Variants in SH3RF3 observed in about 807,000 individuals in gnomAD.
SH3RF3 encodes the protein E3 ubiquitin-protein ligase SH3RF3.
A neutral mutation model predicts 66.3 loss-of-function variants in SH3RF3; 29 were observed. The ratio of observed to expected loss-of-function variants is 0.44; its 90% CI spans 0.33 to 0.60. The LOEUF (loss-of-function observed/expected upper bound fraction) is 0.60. Ranked by LOEUF, SH3RF3 falls within the 20% of genes least tolerant of loss-of-function variation. SH3RF3 has a pLI of 0.04. For synonymous variants in SH3RF3, 583 were observed against 532.0 expected (o/e 1.10, Z -1.32); for missense variants, 1,194 against 1,190.9 (o/e 1.00, Z -0.04).
rs183061382 is a variant in SH3RF3 at position 109,452,787 on chromosome 2, C to A, written c.2148+3298C>A. 1.6e-4 allele frequency among the ~76,000 whole-genome samples: 24 copies of A among 149,004 alleles called. No individual in the cohort carries two copies. The East Asian group carries it at 4.2e-3, about 26-fold the overall frequency. On this transcript the variant is annotated intron_variant, in intron 8 of 9. Transcript: ENST00000309415. Reference sequence around the variant, plus strand: ...GGCAGGCTGGTCCCAGGAGGCTGGTCCCTGGGAGGCTGGTGCTGGGAGGCT... The same window carrying A: ...GGCAGGCTGGTCCCAGGAGGCTGGTACCTGGGAGGCTGGTGCTGGGAGGCT...
At chr2:109,303,617 C>T (rs890032057) in intron 1 of SH3RF3, among the ~76,000 whole-genome samples, 8 of 152,212 alleles carry the variant, frequency 5.3e-5, no homozygotes, top group African/African-American at 1.9e-4. Flanking sequence ...GCTGGCGAGA[C>T]AAAGTCAGGG....
rs11904631 is a variant in SH3RF3, at chr2:109,427,141, G to A, written c.1404-5360G>A. ...CTGCCACCACACTGGGCTAATTTTC[G>A]TCTTTTTAGTAGAGACGGGGTTTCA... is the stretch of plus-strand genomic sequence containing the variant. On this transcript the variant is annotated intron_variant, in intron 5 of 9. Coordinates refer to ENST00000309415, the MANE Select transcript of SH3RF3 (RefSeq NM_001099289.3). Among the ~76,000 whole-genome samples the A allele has an allele frequency of 7.4e-3, 1,119 of 152,002 alleles. 14 individuals are homozygous for A. The highest frequency in any genetic ancestry group is 0.026 in the African/African-American group (1,059 of 41,482).
At chr2:109,203,695 C>A (rs897567028) in intron 1 of SH3RF3, among the ~76,000 whole-genome samples, 4 of 152,134 alleles carry the variant, frequency 2.6e-5, no homozygotes, top group Admixed American at 2.6e-4. Context: ...GCACTTCCAC[C>A]CCCTGGGCCT....
At chr2:109,184,858 C>G (rs1678151769) in intron 1 of SH3RF3, among the ~76,000 whole-genome samples, 1 of 152,238 alleles carries the variant, frequency 6.6e-6, no homozygotes, top group Non-Finnish European at 1.5e-5. Context: ...TGAGCAAAGA[C>G]AGTTTGTCAT....
chr2:109,443,509 C>T (rs948971038), intron 7 of SH3RF3, among the ~76,000 whole-genome samples: 29 of 152,108 alleles, frequency 1.9e-4, no homozygotes, highest in African/African-American at 7.0e-4. Context: ...GGTTACAAAT[C>T]GTTTTTCACT....
At chr2:109,238,460 TGTG>T (rs2105210627) in intron 1 of SH3RF3, among the ~76,000 whole-genome samples, 1 of 51,882 alleles carries the variant, frequency 1.9e-5, no homozygotes, top group African/African-American at 1.2e-4. Context: ...TGTGTGTGTG[TGTG>T]TGTGTGTGTG....
chr2:109,355,766 A>C (rs1324435784), intron 2 of SH3RF3, among the ~76,000 whole-genome samples: 1 of 152,214 alleles, frequency 6.6e-6, no homozygotes, highest in South Asian at 2.1e-4. Flanking sequence ...TGCCATGCGG[A>C]TCAGTCTTGC....
At chr2:109,306,747 A>G (rs965497839) in intron 1 of SH3RF3, among the ~76,000 whole-genome samples, 2 of 152,216 alleles carry the variant, frequency 1.3e-5, no homozygotes, top group Non-Finnish European at 2.9e-5. Context: ...TGGTGATTCC[A>G]CTAGGGGATG....
chr2:109,163,922 A>G lies in SH3RF3; in HGVS notation c.573+33809A>G, dbSNP rs191022748. 2.0e-5 allele frequency among the ~76,000 whole-genome samples: 3 copies of G among 152,362 alleles called. No individual in the cohort carries two copies. The East Asian group carries it at 5.8e-4, about 29-fold the overall frequency. On this transcript the variant is annotated intron_variant, in intron 1 of 9. Coordinates refer to ENST00000309415, the MANE Select transcript of SH3RF3 (RefSeq NM_001099289.3). Reference sequence around the variant, plus strand: ...GCACTTAGAGTTTGATAGATGGGCTAGGACTGGTTTCAGTTTTGTGATCTG... The same window carrying G: ...GCACTTAGAGTTTGATAGATGGGCTGGGACTGGTTTCAGTTTTGTGATCTG...
At chr2:109,145,299 A>C (rs1431730716) in intron 1 of SH3RF3, among the ~76,000 whole-genome samples, 1 of 152,166 alleles carries the variant, frequency 6.6e-6, no homozygotes, top group Non-Finnish European at 1.5e-5. Context: ...GGTGGTTACA[A>C]GCCCACTCAG....
chr2:109,223,332 C>T (rs141275875), intron 1 of SH3RF3, among the ~76,000 whole-genome samples: 35 of 152,296 alleles, frequency 2.3e-4, no homozygotes, highest in South Asian at 1.2e-3. Flanking sequence ...TTCCCAGAGC[C>T]GACAGAGCCA....
At chr2:109,229,625 G>A (rs1485780899) in intron 1 of SH3RF3, among the ~76,000 whole-genome samples, 1 of 152,084 alleles carries the variant, frequency 6.6e-6, no homozygotes, top group African/African-American at 2.4e-5. Flanking sequence ...TCTAGGAATT[G>A]GCAGCCCCTC....
chr2:109,364,276 C>A (rs753245710), intron 2 of SH3RF3, among the ~76,000 whole-genome samples: 3 of 151,974 alleles, frequency 2.0e-5, no homozygotes, highest in Non-Finnish European at 4.4e-5. Flanking sequence ...CTAATAAGCA[C>A]GTCGAAGGCA....
At chr2:109,189,780 A>G (rs1678298164) in intron 1 of SH3RF3, among the ~76,000 whole-genome samples, 1 of 152,212 alleles carries the variant, frequency 6.6e-6, no homozygotes, top group Admixed American at 6.5e-5. Flanking sequence ...GATCTTTTAC[A>G]AGTTCCCCAA....
At chr2:109,221,765 A>G (rs1168739454) in intron 1 of SH3RF3, among the ~76,000 whole-genome samples, 2 of 152,166 alleles carry the variant, frequency 1.3e-5, no homozygotes, top group African/African-American at 2.4e-5. Flanking sequence ...GTGGGAACAT[A>G]AATAAGGCAG....
At chr2:109,169,847 A>G (rs778477880) in intron 1 of SH3RF3, among the ~76,000 whole-genome samples, 1 of 152,030 alleles carries the variant, frequency 6.6e-6, no homozygotes, top group Non-Finnish European at 1.5e-5. Flanking sequence ...GCTATATAAA[A>G]CCAGAACTTC....
intron 1 of SH3RF3, among the ~76,000 whole-genome samples, chr2:109,284,271 C>T (rs1680967049): frequency 6.6e-6 from 1 of 152,244 alleles, no homozygotes; most frequent in Non-Finnish European, 1.5e-5. Flanking sequence ...TTTCCTTGAG[C>T]ATCTTCACTG....
intron 1 of SH3RF3, among the ~76,000 whole-genome samples, chr2:109,191,055 T>C (rs1347794327): frequency 6.6e-6 from 1 of 151,820 alleles, no homozygotes; most frequent in African/African-American, 2.4e-5. Context: ...CCACAAAGAG[T>C]CTAACCTCCT....
At position 109,405,543 on chromosome 2, in the gene SH3RF3, G is replaced by A. The variant is rs867658330; in HGVS notation, c.1299+6600G>A. On this transcript the variant is annotated intron_variant, in intron 4 of 9. Transcript: ENST00000309415. ...TGGTCCATTTCTCCCCGAAACTGCC[G>A]TAGCTAATCCCTTCCCACCTGCCCA... Among the ~76,000 whole-genome samples, 13 of 152,222 alleles carry A rather than the reference G, an allele frequency of 8.5e-5. No homozygotes were observed. The East Asian group carries it at 9.7e-4, about 11-fold the overall frequency.
Sources: allele counts gnomAD v4.1 joint callset (sites outside exome capture counted in the v4.1 genomes callset), GRCh38; gene constraint gnomAD v4.1.1; transcripts MANE v1.5; gene names NCBI Gene and HGNC (gene_info 2026-07-23, HGNC 2026-07-21).